Variants in SHISA6 observed in about 807,000 individuals in gnomAD.
SHISA6 encodes protein shisa-6.
A neutral mutation model predicts 47.9 loss-of-function variants in SHISA6; 22 were observed. That is an observed-to-expected ratio of 0.46 (90% CI 0.33 to 0.66). The LOEUF (loss-of-function observed/expected upper bound fraction) is 0.66, where lower values mean the gene tolerates loss of function less well. Among genes scored for constraint, SHISA6 ranks in the 30% least tolerant of loss-of-function variants. The probability of loss-of-function intolerance (pLI) is 0.02; values close to 1 mark genes in which losing one functional copy is unlikely to be tolerated. For synonymous variants in SHISA6, 388 were observed against 337.8 expected (o/e 1.15, Z -1.63); for missense variants, 680 against 764.6 (o/e 0.89, Z 1.30).
At chr17:11,281,236 T>G (rs1044747207) in intron 2 of SHISA6, among the ~76,000 whole-genome samples, 1 of 152,174 alleles carries the variant, frequency 6.6e-6, no homozygotes, top group Admixed American at 6.5e-5. Flanking sequence ...ACAACTTATT[T>G]TCTAATCTTA....
At chr17:11,514,959 G>A (rs1403056765) in intron 3 of SHISA6, among the ~76,000 whole-genome samples, 3 of 152,168 alleles carry the variant, frequency 2.0e-5, no homozygotes, top group Non-Finnish European at 4.4e-5. Context: ...CTTTGAGGGG[G>A]TGGCATGGAG....
chr17:11,287,123 G>A (rs1158976826), intron 2 of SHISA6, among the ~76,000 whole-genome samples: 1 of 152,052 alleles, frequency 6.6e-6, no homozygotes, highest in Non-Finnish European at 1.5e-5. Context: ...AGCCGGGCAT[G>A]GTGGCATATG....
chr17:11,340,198 G>A (rs1029153175), intron 2 of SHISA6, among the ~76,000 whole-genome samples: 5 of 152,216 alleles, frequency 3.3e-5, no homozygotes, highest in Non-Finnish European at 5.9e-5. Flanking sequence ...TTTGAGAAAT[G>A]TATTAGTTAT....
In SHISA6 at chr17:11,328,207, G is replaced by A. The variant is rs1423146169; in HGVS notation, c.800-51207G>A. Among the ~76,000 whole-genome samples the A allele has an allele frequency of 2.0e-5, 3 of 152,106 alleles. No individual in the cohort carries two copies. The South Asian group carries it at 6.2e-4, about 32-fold the overall frequency. On this transcript the variant is annotated intron_variant, in intron 2 of 5. Transcript: ENST00000441885. ...GGGTAGGAAATTGGGTCCTGGACTC[G>A]GGCCACACACATGACTGCAGGTTCT...
intron 2 of SHISA6, among the ~76,000 whole-genome samples, chr17:11,309,442 A>G (rs1331582447): frequency 3.3e-5 from 5 of 152,252 alleles, no homozygotes; most frequent in African/African-American, 9.6e-5. Flanking sequence ...CCATCTTATC[A>G]GTGACCAATC....
chr17:11,390,141 T>G (rs987500748), intron 3 of SHISA6, among the ~76,000 whole-genome samples: 2 of 152,230 alleles, frequency 1.3e-5, no homozygotes, highest in Non-Finnish European at 2.9e-5. Context: ...AGCCTCAGTC[T>G]TACTCCACTC....
chr17:11,322,895 A>C (rs1445474424), intron 2 of SHISA6, among the ~76,000 whole-genome samples: 1 of 152,196 alleles, frequency 6.6e-6, no homozygotes, highest in Non-Finnish European at 1.5e-5. Flanking sequence ...TGCTTAGTTG[A>C]GGAGAAAATT....
At chr17:11,417,072 T>G (rs1429293013) in intron 3 of SHISA6, among the ~76,000 whole-genome samples, 1 of 152,104 alleles carries the variant, frequency 6.6e-6, no homozygotes, top group Non-Finnish European at 1.5e-5. Context: ...AAAACAGATA[T>G]GACTGGCAAG....
intron 3 of SHISA6, among the ~76,000 whole-genome samples, chr17:11,531,840 T>C (rs2071736092): frequency 6.6e-6 from 1 of 152,236 alleles, no homozygotes; most frequent in Non-Finnish European, 1.5e-5. Flanking sequence ...AGATTTTAAA[T>C]GTTCTCAACA....
intron 2 of SHISA6, among the ~76,000 whole-genome samples, chr17:11,295,915 G>A (rs1287796140): frequency 7.0e-6 from 1 of 141,992 alleles, no homozygotes. Context: ...AGTGAGCTGA[G>A]ATCACGCCAC....
chr17:11,446,724 C>G (rs948555673), intron 3 of SHISA6, among the ~76,000 whole-genome samples: 3 of 152,208 alleles, frequency 2.0e-5, no homozygotes, highest in African/African-American at 7.2e-5. Context: ...GCCACCTGAT[C>G]TGGCTTTTCC....
intron 2 of SHISA6, among the ~76,000 whole-genome samples, chr17:11,277,876 C>A (rs1239307878): frequency 6.6e-6 from 1 of 152,160 alleles, no homozygotes; most frequent in Admixed American, 6.5e-5. Context: ...TACCTCGTTT[C>A]TTTAAGAACA....
chr17:11,286,220 C>A, intron 2 of SHISA6, among the ~76,000 whole-genome samples: 1 of 152,146 alleles, frequency 6.6e-6, no homozygotes, highest in Non-Finnish European at 1.5e-5. Context: ...CCCCACAGAC[C>A]AGACCATATG....
At chr17:11,389,893 G>A (rs796854015) in intron 3 of SHISA6, among the ~76,000 whole-genome samples, 10 of 152,260 alleles carry the variant, frequency 6.6e-5, no homozygotes, top group South Asian at 2.1e-4. Flanking sequence ...AAGCTATGGG[G>A]CTAAGTCAAA....
chr17:11,343,247 GCTT>G (rs1911596007), intron 2 of SHISA6, among the ~76,000 whole-genome samples: 2 of 152,222 alleles, frequency 1.3e-5, no homozygotes, highest in Admixed American at 6.5e-5. Context: ...CCCAGGGTAA[GCTT>G]CTCAGTTAAT....
intron 3 of SHISA6, among the ~76,000 whole-genome samples, chr17:11,504,717 AAC>A (rs1194931121): frequency 1.3e-5 from 2 of 152,168 alleles, no homozygotes; most frequent in African/African-American, 4.8e-5. Flanking sequence ...TGCCACGAAT[AAC>A]ACACTGATGG....
At chr17:11,433,961 G>C (rs1295909266) in intron 3 of SHISA6, among the ~76,000 whole-genome samples, 1 of 152,120 alleles carries the variant, frequency 6.6e-6, no homozygotes, top group Non-Finnish European at 1.5e-5. Flanking sequence ...AAAAATGGTT[G>C]TGAGAGGTCA....
chr17:11,526,663 G>A (rs190829634), intron 3 of SHISA6, among the ~76,000 whole-genome samples: 3 of 152,034 alleles, frequency 2.0e-5, no homozygotes, highest in East Asian at 3.9e-4. Context: ...ATAGTTCCAC[G>A]TTATACAGCT....
At position 11,327,262 on chromosome 17, in the gene SHISA6, C is replaced by G. The variant is rs561704382; in HGVS notation, c.800-52152C>G. ...TGAATACACATTAATCTGGAAAAAC[C>G]TGACTTCTGAGTTGGTGTGATTTCA... On this transcript the variant is annotated intron_variant, in intron 2 of 5. Transcript: ENST00000441885. 5.9e-5 allele frequency among the ~76,000 whole-genome samples: 9 copies of G among 152,266 alleles called. No individual in the cohort carries two copies. In the South Asian group the frequency reaches 1.4e-3, roughly 25 times the overall value.
Sources: gnomAD v4.1 joint callset for allele counts (sites outside exome capture counted in the v4.1 genomes callset) on GRCh38, gnomAD v4.1.1 for gene constraint, MANE v1.5 for transcripts, NCBI Gene and HGNC (gene_info 2026-07-23, HGNC 2026-07-21) for gene names.